The following PREX2 variants were observed in gnomAD, a reference collection of about 807,000 sequenced individuals.
PREX2 encodes the protein phosphatidylinositol-3,4,5-trisphosphate dependent Rac exchange factor 2, also known as phosphatidylinositol 3,4,5-trisphosphate-dependent Rac exchanger 2 protein.
A neutral mutation model predicts 203.2 loss-of-function variants in PREX2; 107 were observed. The ratio of observed to expected loss-of-function variants is 0.53; its 90% CI spans 0.45 to 0.62. The LOEUF (loss-of-function observed/expected upper bound fraction) is 0.62. Among genes scored for constraint, PREX2 ranks in the 20% least tolerant of loss-of-function variants. PREX2 has a pLI of 0.00. For missense variants in PREX2, 1,777 were observed against 1,955.9 expected, an observed-to-expected ratio of 0.91 and a Z score of 1.72; for synonymous variants, 672 against 663.6, an observed-to-expected ratio of 1.01 and a Z score of -0.19.
chr8:68,214,381 C>G (rs1018479726), intron 37 of PREX2, among the ~76,000 whole-genome samples: 2 of 152,138 alleles, frequency 1.3e-5, no homozygotes, highest in Non-Finnish European at 2.9e-5. Flanking sequence ...GCCTGGGCAA[C>G]AGAGTGAGAC....
chr8:68,069,930 G>A (rs1343985742), intron 13 of PREX2, 46 bp downstream of exon 13: 1 of 1,116,752 alleles, frequency 9.0e-7, no homozygotes, highest in Non-Finnish European at 1.3e-6. Context: ...GGAAATATTT[G>A]TACTATGTTT....
intron 32 of PREX2, among the ~76,000 whole-genome samples, chr8:68,138,066 A>G (rs995532023): frequency 2.0e-5 from 3 of 152,240 alleles, no homozygotes; most frequent in Admixed American, 6.5e-5. Context: ...ATAAGATTTT[A>G]GAAGTTTAGA....
At chr8:68,112,476 G>A (rs1472594481) in intron 25 of PREX2, among the ~76,000 whole-genome samples, 1 of 151,906 alleles carries the variant, frequency 6.6e-6, no homozygotes, top group Non-Finnish European at 1.5e-5. Flanking sequence ...TTAGTAACCC[G>A]GGGGTTACAG....
In PREX2 at chr8:67,978,060, C is replaced by G. The variant is rs1806158928; in HGVS notation, c.141+25525C>G. ...GTTGATCAGAAACACAGGTCACAAC[C>G]CGGGGCATGTGATTGGCATCTGAAG... On this transcript the variant is annotated intron_variant, in intron 1 of 39. Coordinates refer to ENST00000288368, the MANE Select transcript of PREX2 (RefSeq NM_024870.4). Among the ~76,000 whole-genome samples the G allele has an allele frequency of 2.0e-5, 3 of 152,108 alleles. No individual in the cohort carries two copies. The East Asian group carries it at 5.8e-4, about 29-fold the overall frequency.
chr8:68,124,139 C>T (rs1423450631), intron 30 of PREX2, among the ~76,000 whole-genome samples: 2 of 152,118 alleles, frequency 1.3e-5, no homozygotes, highest in South Asian at 2.1e-4. Flanking sequence ...TGTGGTTCAT[C>T]ATATAAACAA....
chr8:68,000,990 A>G (rs13271634), intron 1 of PREX2, among the ~76,000 whole-genome samples: 104,352 of 152,114 alleles, frequency 0.69, 36,033 homozygotes, highest in South Asian at 0.81. Context: ...CCAAAACTGT[A>G]GAAACCTTGG....
chr8:68,189,255 T>C (rs1053378167), intron 35 of PREX2, among the ~76,000 whole-genome samples: 11 of 152,200 alleles, frequency 7.2e-5, no homozygotes, highest in Admixed American at 2.0e-4. Flanking sequence ...AGCAATAATA[T>C]TTAAAACGTC....
At chr8:68,063,392 G>A (rs924436939) in intron 11 of PREX2, among the ~76,000 whole-genome samples, 2 of 152,094 alleles carry the variant, frequency 1.3e-5, no homozygotes, top group Non-Finnish European at 2.9e-5. Flanking sequence ...TGGTGCACAA[G>A]GGAAGTGTAC....
At chr8:68,134,901 A>T (rs1811082689) in intron 32 of PREX2, among the ~76,000 whole-genome samples, 1 of 152,200 alleles carries the variant, frequency 6.6e-6, no homozygotes, top group Admixed American at 6.6e-5. Flanking sequence ...GGTGAACTTA[A>T]GAGTTTTTTC....
chr8:68,093,630 A>G lies in PREX2; in HGVS notation c.2276A>G (p.Asn759Ser). The G allele has an allele frequency of 6.2e-7, 1 of 1,603,476 alleles. No homozygotes were observed. The highest frequency in any genetic ancestry group is 1.1e-5 in the South Asian group (1 of 90,422). ...TKQDSIQWVY[N>S]SIESAQEDLQ... ...CAAGATTCCATACAATGGGTTTATAATAGCATTGAGAGTGCTCAAGAAGAC... is the reference window on the plus strand; with the variant it reads ...CAAGATTCCATACAATGGGTTTATAGTAGCATTGAGAGTGCTCAAGAAGAC... The change falls in exon 21 of 40, where the codon AAT (asparagine) becomes AGT (serine). Residue 759 changes from asparagine to serine, a missense_variant. Coordinates refer to ENST00000288368, the MANE Select transcript of PREX2 (RefSeq NM_024870.4).
chr8:68,062,911 A>G (rs989060614), intron 11 of PREX2, among the ~76,000 whole-genome samples: 5 of 152,200 alleles, frequency 3.3e-5, no homozygotes, highest in African/African-American at 1.2e-4. Flanking sequence ...GTTATTATAT[A>G]GCAAATGCCT....
chr8:68,084,099 A>G (rs773610448), intron 18 of PREX2, among the ~76,000 whole-genome samples: 15 of 152,186 alleles, frequency 9.9e-5, no homozygotes, highest in Non-Finnish European at 1.8e-4. Context: ...ATAACATACC[A>G]TGCATATACT....
At chr8:68,124,592 A>G (rs1810851044) in intron 30 of PREX2, among the ~76,000 whole-genome samples, 1 of 152,088 alleles carries the variant, frequency 6.6e-6, no homozygotes, top group Admixed American at 6.5e-5. Context: ...CCCCCATGAC[A>G]CAAGTGTACC....
intron 37 of PREX2, among the ~76,000 whole-genome samples, chr8:68,202,136 G>A (rs911053552): frequency 3.3e-5 from 5 of 151,956 alleles, no homozygotes; most frequent in African/African-American, 7.3e-5. Flanking sequence ...TCCTGAACTC[G>A]TGATCCACCC....
chr8:68,202,962 C>T (rs1812536307), intron 37 of PREX2, among the ~76,000 whole-genome samples: 1 of 152,120 alleles, frequency 6.6e-6, no homozygotes, highest in Non-Finnish European at 1.5e-5. Flanking sequence ...AAAATTTACC[C>T]TTCCTCTTCC....
At chr8:68,136,049 C>G (rs1811107421) in intron 32 of PREX2, among the ~76,000 whole-genome samples, 1 of 152,068 alleles carries the variant, frequency 6.6e-6, no homozygotes. Flanking sequence ...AGAAAGTAGA[C>G]TAGTGGTTGC....
intron 1 of PREX2, among the ~76,000 whole-genome samples, chr8:67,960,990 T>C (rs1293985695): frequency 6.6e-6 from 1 of 150,568 alleles, no homozygotes; most frequent in African/African-American, 2.5e-5. Context: ...ATCTCAGAGA[T>C]AATGACAACC....
rs1807584087 is a variant in PREX2 at position 68,022,050 on chromosome 8, T to G, written c.351T>G (p.Arg117=). The stretch of plus-strand genomic sequence containing the variant: ...TGAATTCACAGAAAGACAAGTTTCG[T>G]ATCTATGATGAATATTGTAGTAACC... ...TCFLHFKDKF[R]IYDEYCSNHE... Residue 117 remains arginine, a synonymous_variant, in exon 4 of 40, where the codon CGT becomes CGG. Coordinates refer to ENST00000288368, the MANE Select transcript of PREX2 (RefSeq NM_024870.4). 1 of 1,486,430 alleles carries G rather than the reference T, an allele frequency of 6.7e-7. No homozygotes were observed. The allele number at this position is 1,486,430 out of a possible 1,614,324, so 92.1% of individuals were successfully genotyped here.
At chr8:68,159,286 A>G (rs1563569756) in intron 35 of PREX2, among the ~76,000 whole-genome samples, 2 of 152,224 alleles carry the variant, frequency 1.3e-5, no homozygotes, top group Non-Finnish European at 2.9e-5. Context: ...CTCCATTTTT[A>G]CCAAAGACAA....
Sources: allele counts gnomAD v4.1 joint callset (sites outside exome capture counted in the v4.1 genomes callset), GRCh38; gene constraint gnomAD v4.1.1; transcripts MANE v1.5; gene names NCBI Gene and HGNC (gene_info 2026-07-23, HGNC 2026-07-21).